The following CDK13 variants were observed in gnomAD, a reference collection of about 807,000 sequenced individuals.
CDK13 encodes cyclin dependent kinase 13.
In CDK13, 40 loss-of-function variants were observed where a neutral mutation model predicts 137.6. That is an observed-to-expected ratio of 0.29 (90% CI 0.23 to 0.38). CDK13 has a LOEUF of 0.38. Among genes scored for constraint, CDK13 ranks in the 10% least tolerant of loss-of-function variants. The probability of loss-of-function intolerance (pLI) is 1.00; values close to 1 mark genes in which losing one functional copy is unlikely to be tolerated. For synonymous variants in CDK13, 869 were observed against 760.1 expected, an observed-to-expected ratio of 1.14 and a Z score of -2.36; for missense variants, 1,704 against 1,951.8, an observed-to-expected ratio of 0.87 and a Z score of 2.39.
intron 1 of CDK13, among the ~76,000 whole-genome samples, chr7:39,979,528 A>AT (rs1435491656): frequency 6.6e-6 from 1 of 151,890 alleles, no homozygotes; most frequent in African/African-American, 2.4e-5. Flanking sequence ...GAGATTGCTT[A>AT]TTTTTTTAAG....
chr7:40,088,495 G>A (rs1786841278), intron 12 of CDK13, among the ~76,000 whole-genome samples, 164 bp downstream of exon 12: 1 of 152,020 alleles, frequency 6.6e-6, no homozygotes, highest in African/African-American at 2.4e-5. Flanking sequence ...ATTGCTATTG[G>A]CACCACAATT....
intron 5 of CDK13, among the ~76,000 whole-genome samples, chr7:40,022,152 G>C (rs188212988): frequency 6.6e-6 from 1 of 152,194 alleles, no homozygotes; most frequent in African/African-American, 2.4e-5. Context: ...GAGGACCAGA[G>C]TTTTCTTAGG....
chr7:40,021,938 TCAGATTTTGAGGCAAGA>T (rs1785135558), intron 5 of CDK13, among the ~76,000 whole-genome samples: 1 of 152,240 alleles, frequency 6.6e-6, no homozygotes, highest in Non-Finnish European at 1.5e-5. Context: ...TGTTTGGAAC[TCAGATTTTGAGGCAAGA>T]TGCACACCTG....
chr7:39,997,499 G>T lies in CDK13; in HGVS notation c.1877G>T (p.Arg626Leu). Residue 626 changes from arginine (R) to leucine (L), a missense_variant, in exon 3 of 14, where the codon CGA (arginine) becomes CTA (leucine). Around this residue, in one of 5 missense-constraint regions of CDK13, gnomAD observed 1,051 missense variants for 931.0 expected, o/e 1.13. Coordinates refer to ENST00000181839, the MANE Select transcript of CDK13 (RefSeq NM_003718.5). ...CTGACTTCTTTCACTTTCAGCTTACGAGGAAATATTTCAGTAAAAGCAGTT... is the reference window on the plus strand; with the variant it reads ...CTGACTTCTTTCACTTTCAGCTTACTAGGAAATATTTCAGTAAAAGCAGTT... The part of the protein sequence containing the change: ...LPEDKEADSL[R>L]GNISVKAVKK... 1 of 1,590,684 alleles carries T rather than the reference G, an allele frequency of 6.3e-7. No homozygotes were observed.
At chr7:40,091,328 A>G (rs1312726329) in intron 12 of CDK13, among the ~76,000 whole-genome samples, 3 of 151,658 alleles carry the variant, frequency 2.0e-5, no homozygotes, top group Non-Finnish European at 4.4e-5. Context: ...AGCCTGGGCC[A>G]CAGGGCGAGA....
Position 39,976,323 on chromosome 7 carries a change from T to TCTCTCTCTCTCTCACACACA in CDK13, c.1212-11275_1212-11274insTCTCTCTCTCTCACACACAC. 3.1e-3 allele frequency among the ~76,000 whole-genome samples: 124 copies of TCTCTCTCTCTCTCACACACA among 39,564 alleles called. 2 individuals are homozygous for TCTCTCTCTCTCTCACACACA. Among genetic ancestry groups the TCTCTCTCTCTCTCACACACA allele is most frequent in the Non-Finnish European group, 3.9e-3 (66 of 17,112 alleles). 26.0% of individuals were successfully genotyped at this position (39,564 alleles called of 152,430 possible). ...CTCTCTCTCTCTCTCTCTCTCTCTC[T>TCTCTCTCTCTCTCACACACA]CACACACACACACACACACACACAC... On this transcript the variant is annotated intron_variant, in intron 1 of 13. Transcript: ENST00000181839.
At chr7:40,005,188 A>G (rs1784772156) in intron 5 of CDK13, among the ~76,000 whole-genome samples, 1 of 149,338 alleles carries the variant, frequency 6.7e-6, no homozygotes, top group South Asian at 2.1e-4. Context: ...AAAAAAAAAA[A>G]GGAAAACATC....
rs202207296 is a variant in CDK13, at chr7:39,988,051, A to G, written c.1664A>G (p.Asp555Gly). 2 of 1,614,228 alleles carry G rather than the reference A, an allele frequency of 1.2e-6. No individual in the cohort carries two copies. The highest frequency in any genetic ancestry group is 1.7e-6 in the Non-Finnish European group (2 of 1,180,030). The change falls in exon 2 of 14, where the codon GAT becomes GGT. Residue 555 changes from aspartate (D) to glycine (G), a missense_variant. Around this residue, in one of 5 missense-constraint regions of CDK13, gnomAD observed 1,051 missense variants for 931.0 expected, o/e 1.13. Transcript: ENST00000181839. Reference protein sequence around the residue: ...VTKVENNLIVDKATKKAVIVG... With the variant: ...VTKVENNLIVGKATKKAVIVG... ...AAGGTGGAAAATAATTTGATTGTAG[A>G]TAAAGCCACCAAGAAAGCAGTCATA...
chr7:40,094,947 TGGCAGA>T lies in CDK13; in HGVS notation c.4521_4526del (p.Arg1508_Gly1509del), dbSNP rs747124942. ...ACAGGGGACATATTAGCACATCAAC[TGGCAGA>T]GGCAGAGGCAGAGGGTTACCATACT... On this transcript the variant is annotated inframe_deletion, in exon 14 of 14. Coordinates refer to ENST00000181839, the MANE Select transcript of CDK13 (RefSeq NM_003718.5). 40 of 1,434,210 alleles carry T rather than the reference TGGCAGA, an allele frequency of 2.8e-5. No homozygotes were observed. In the East Asian group the frequency reaches 3.9e-4, roughly 14 times the overall value. 88.8% of individuals were successfully genotyped at this position (1,434,210 alleles called of 1,614,324 possible). A position where few individuals can be genotyped will look rare whatever the true frequency, so the allele number is the denominator to read the frequency against.
rs1205068562 is a variant in CDK13, at chr7:39,951,634, C to A, written c.993C>A (p.Ala331=). ...ACGACAGCCCGGTGTCCCACAGGGC[C>A]TCTCAGAGCCTGAGGAGCCGCAAGT... is the stretch of plus-strand genomic sequence containing the variant. ...GRDDSPVSHR[A]SQSLRSRKSP... Residue 331 remains alanine, a synonymous_variant, in exon 1 of 14, where the codon GCC becomes GCA. Coordinates refer to ENST00000181839, the MANE Select transcript of CDK13 (RefSeq NM_003718.5). The A allele has an allele frequency of 6.8e-7, 1 of 1,478,838 alleles. No individual in the cohort carries two copies. Among genetic ancestry groups the A allele is most frequent in the African/African-American group, 1.5e-5 (1 of 68,620 alleles). The allele number at this position is 1,478,838 out of a possible 1,614,324, so 91.6% of individuals were successfully genotyped here. A position where few individuals can be genotyped will look rare whatever the true frequency, so the allele number is the denominator to read the frequency against.
chr7:40,051,740 C>A (rs562652336), intron 7 of CDK13, among the ~76,000 whole-genome samples: 1 of 152,266 alleles, frequency 6.6e-6, no homozygotes, highest in South Asian at 2.1e-4. Flanking sequence ...GGAGTTACAG[C>A]TAGTACTTGG....
chr7:40,076,912 T>C lies in CDK13; in HGVS notation c.2781-1093T>C, dbSNP rs139739976. The stretch of plus-strand genomic sequence containing the variant: ...GCAGACCAGCTGACAATTTTATATA[T>C]AATAAACATCCTTGAAATTTGGTAT... On this transcript the variant is annotated intron_variant, in intron 9 of 13. Coordinates refer to ENST00000181839, the MANE Select transcript of CDK13 (RefSeq NM_003718.5). 7.1e-3 allele frequency among the ~76,000 whole-genome samples: 1,075 copies of C among 152,302 alleles called. 12 individuals carry two copies. The highest frequency in any genetic ancestry group is 0.024 in the African/African-American group (1,000 of 41,554).
chr7:39,987,829 A>G lies in CDK13; in HGVS notation c.1442A>G (p.Glu481Gly), dbSNP rs1182167327. 1 of 1,614,182 alleles carries G rather than the reference A, an allele frequency of 6.2e-7. No homozygotes were observed. The highest frequency in any genetic ancestry group is 1.1e-5 in the South Asian group (1 of 91,056). ...GCTGCAGAAGCAACTAAGGCTGCTG[A>G]GGCTGCTGCCAAGGCTGCAAAAGCT... ...AKAAEATKAAEAAAKAAKASN... is the reference protein window; with the variant it reads ...AKAAEATKAAGAAAKAAKASN... The change falls in exon 2 of 14, where the codon GAG (glutamate) becomes GGG (glycine). Residue 481 changes from glutamate to glycine, a missense_variant. Glu to Gly is a moderately conservative substitution (Grantham distance 98). Around this residue, in one of 5 missense-constraint regions of CDK13, gnomAD observed 1,051 missense variants for 931.0 expected, o/e 1.13. Coordinates refer to ENST00000181839, the MANE Select transcript of CDK13 (RefSeq NM_003718.5).
intron 12 of CDK13, among the ~76,000 whole-genome samples, chr7:40,089,759 T>C (rs1288441395): frequency 6.8e-6 from 1 of 146,130 alleles, no homozygotes; most frequent in South Asian, 2.2e-4. Context: ...TGTGTGTAGG[T>C]GGTGGCTTAT....
At chr7:40,082,264 A>G (rs1786680981) in intron 11 of CDK13, among the ~76,000 whole-genome samples, 1 of 151,140 alleles carries the variant, frequency 6.6e-6, no homozygotes. Context: ...CAAGGCGGAT[A>G]GATCACAAGG....
At chr7:40,092,227 G>C (rs1310141637) in intron 12 of CDK13, 1 of 152,250 alleles carries the variant, frequency 6.6e-6, no homozygotes, top group Non-Finnish European at 1.5e-5. Context: ...CTTTATTTTA[G>C]AGAAAGTACG....
intron 1 of CDK13, among the ~76,000 whole-genome samples, chr7:39,959,841 G>GTT (rs34837261): frequency 2.4e-5 from 3 of 123,956 alleles, no homozygotes; most frequent in Non-Finnish European, 5.1e-5. Context: ...CTACTAACTT[G>GTT]TTTTTTTTTT....
At chr7:40,038,287 ATGTTAGTAGACAAAAATCATTT>A (rs1362607792) in intron 5 of CDK13, among the ~76,000 whole-genome samples, 4 of 152,158 alleles carry the variant, frequency 2.6e-5, no homozygotes, top group Non-Finnish European at 4.4e-5. Context: ...AGTTTACTCC[ATGTTAGTAGACAAAAATCATTT>A]TGTTAGTAGA....
chr7:39,950,992 G>C lies in CDK13; in HGVS notation c.351G>C (p.Lys117Asn). Residue 117 changes from lysine to asparagine, a missense_variant, in exon 1 of 14, where the codon AAG becomes AAC. Lys to Asn is a moderately conservative substitution (Grantham distance 94). Coordinates refer to ENST00000181839, the MANE Select transcript of CDK13 (RefSeq NM_003718.5). Reference sequence around the variant, plus strand: ...CCCGCGCCGGGCAGGAGGCGGAGAAGCGTCGGGTCTTCTCGCTGCCCCAGC... The same window carrying C: ...CCCGCGCCGGGCAGGAGGCGGAGAACCGTCGGGTCTTCTCGCTGCCCCAGC... Reference protein sequence around the residue: ...RGPRAGQEAEKRRVFSLPQPQ... With the variant: ...RGPRAGQEAENRRVFSLPQPQ... The C allele has an allele frequency of 7.6e-7, 1 of 1,310,476 alleles. No homozygotes were observed. The highest frequency in any genetic ancestry group is 2.3e-5 in the South Asian group (1 of 43,954). The allele number at this position is 1,310,476 out of a possible 1,614,324, so 81.2% of individuals were successfully genotyped here.
Sources: allele counts gnomAD v4.1 joint callset (sites outside exome capture counted in the v4.1 genomes callset), GRCh38; gene constraint gnomAD v4.1.1; regional missense constraint gnomAD v4.1.1; transcripts MANE v1.5; gene names NCBI Gene and HGNC (gene_info 2026-07-23, HGNC 2026-07-21).